The following TXNL4A variants were observed in gnomAD, a reference collection of about 807,000 sequenced individuals.
The protein encoded by TXNL4A is thioredoxin-like protein 4A.
A neutral mutation model predicts 14.6 loss-of-function variants in TXNL4A; 17 were observed. The observed-to-expected ratio is 1.16, with a 90% CI of 0.80 to 1.74. TXNL4A has a LOEUF of 1.74. Ranked by LOEUF, TXNL4A falls within the 40% of genes most tolerant of loss-of-function variation. The probability of loss-of-function intolerance (pLI) is 0.00; values close to 1 mark genes in which losing one functional copy is unlikely to be tolerated. For missense variants in TXNL4A, 74 were observed against 195.2 expected (o/e 0.38, Z 3.70); for synonymous variants, 83 against 70.6 (o/e 1.18, Z -0.88).
At chr18:80,015,252 A>C (rs1043644551) in intron 1 of TXNL4A, among the ~76,000 whole-genome samples, 4 of 147,158 alleles carry the variant, frequency 2.7e-5, no homozygotes. Context: ...ATTTCTCCTC[A>C]AAAAAAAAAA....
chr18:80,012,685 C>T (rs891615840), intron 1 of TXNL4A, among the ~76,000 whole-genome samples: 1 of 152,154 alleles, frequency 6.6e-6, no homozygotes, highest in Admixed American at 6.5e-5. Flanking sequence ...ATACATGCTG[C>T]GTAGGAAGAA....
chr18:79,987,008 T>G (rs1432327933), intron 1 of TXNL4A, among the ~76,000 whole-genome samples: 1 of 152,124 alleles, frequency 6.6e-6, no homozygotes. Context: ...CCTCAAGTCC[T>G]CAGTGTCCAG....
chr18:80,005,859 G>A (rs1942631), intron 1 of TXNL4A, among the ~76,000 whole-genome samples: 21,926 of 152,162 alleles, frequency 0.14, 1,684 homozygotes, highest in East Asian at 0.27. Context: ...GTTGCAGTTA[G>A]CTGAGATCGC....
intron 1 of TXNL4A, among the ~76,000 whole-genome samples, chr18:80,029,870 TA>T (rs145927834): frequency 0.047 from 7,132 of 152,004 alleles, 237 homozygotes; most frequent in Non-Finnish European, 0.072. Context: ...CTTATCGCCT[TA>T]AAAAAAAGCC....
intron 1 of TXNL4A, among the ~76,000 whole-genome samples, chr18:79,984,976 C>T (rs930075217): frequency 6.6e-6 from 1 of 152,118 alleles, no homozygotes. Flanking sequence ...AGAAAGACAG[C>T]TCAAAGGCAC....
intron 1 of TXNL4A, among the ~76,000 whole-genome samples, chr18:80,020,263 T>C (rs1460284306): frequency 6.6e-6 from 1 of 152,178 alleles, no homozygotes; most frequent in African/African-American, 2.4e-5. Flanking sequence ...GTTCTCCAGT[T>C]TCCTCTGGGA....
intron 1 of TXNL4A, among the ~76,000 whole-genome samples, chr18:80,018,619 A>C (rs967845626): frequency 1.3e-5 from 2 of 152,212 alleles, no homozygotes; most frequent in Non-Finnish European, 2.9e-5. Flanking sequence ...AGAGAGAAGA[A>C]TCAAAAAGAC....
rs879265778 is a variant in TXNL4A, at chr18:79,972,630, A to G, written c.*1055T>C. On this transcript the variant is annotated 3_prime_UTR_variant, in exon 3 of 3. Transcript: ENST00000269601. ...CAGGCACGCGCCACCATGCCCAGCTAATTTTTGTATTTTTAGTAGAGACGG... is the reference window on the plus strand; with the variant it reads ...CAGGCACGCGCCACCATGCCCAGCTGATTTTTGTATTTTTAGTAGAGACGG... The G allele has an allele frequency of 2.6e-5, 4 of 152,142 alleles. No individual in the cohort carries two copies. Among genetic ancestry groups the G allele is most frequent in the Non-Finnish European group, 5.9e-5 (4 of 68,046 alleles). The allele number at this position is 152,142 out of a possible 1,614,324, so 9.4% of individuals were successfully genotyped here. A position where few individuals can be genotyped will look rare whatever the true frequency, so the allele number is the denominator to read the frequency against.
intron 1 of TXNL4A, among the ~76,000 whole-genome samples, chr18:79,994,092 G>A (rs1052665191): frequency 6.6e-6 from 1 of 152,190 alleles, no homozygotes; most frequent in African/African-American, 2.4e-5. Context: ...CCCAGCAGCT[G>A]AGGAACATAA....
In TXNL4A at chr18:79,977,679, T is replaced by C; in HGVS notation, c.176A>G (p.Tyr59Cys). The C allele has an allele frequency of 6.2e-7, 1 of 1,606,514 alleles. No individual in the cohort carries two copies. The highest frequency in any genetic ancestry group is 8.5e-7 in the Non-Finnish European group (1 of 1,176,162). The change falls in exon 2 of 3, where the codon TAT (tyrosine) becomes TGT (cysteine). Residue 59 changes from tyrosine to cysteine, a missense_variant. By Grantham distance (194) the Tyr-to-Cys change is radical. This residue lies in a region of TXNL4A where 55 missense variants were observed against 116.1 expected (regional missense o/e 0.47). Coordinates refer to ENST00000269601, the MANE Select transcript of TXNL4A (RefSeq NM_006701.5). ...AGGCACTTCTGTAATATCCACAAGA[T>C]AAATAACTGCAAAATTTTTAACCTA... ...AEKVKNFAVIYLVDITEVPDF... is the reference protein window; with the variant it reads ...AEKVKNFAVICLVDITEVPDF...
In TXNL4A at chr18:79,983,994, C is replaced by CCGCT. The variant is rs2051504743; in HGVS notation, c.153+4245_153+4246insAGCG. On this transcript the variant is annotated intron_variant, in intron 1 of 2. Coordinates refer to ENST00000269601, the MANE Select transcript of TXNL4A (RefSeq NM_006701.5). ...TGGCTAGAGTCTGCACCCTCAACCGCCACTCAACACCACCCCTCATACCTT... is the reference window on the plus strand; with the variant it reads ...TGGCTAGAGTCTGCACCCTCAACCGCCGCTCACTCAACACCACCCCTCATACCTT... Among the ~76,000 whole-genome samples the CCGCT allele has an allele frequency of 2.6e-5, 4 of 152,010 alleles. 1 individual carries two copies. Among genetic ancestry groups the CCGCT allele is most frequent in the Non-Finnish European group, 4.4e-5 (3 of 67,960 alleles).
chr18:79,981,319 T>TA (rs1461157748), intron 1 of TXNL4A, among the ~76,000 whole-genome samples: 1 of 152,182 alleles, frequency 6.6e-6, no homozygotes, highest in Non-Finnish European at 1.5e-5. Context: ...TTCTTGCACG[T>TA]AAAAAATAGT....
chr18:80,015,115 T>C (rs1181630771), intron 1 of TXNL4A, among the ~76,000 whole-genome samples: 1 of 152,210 alleles, frequency 6.6e-6, no homozygotes, highest in East Asian at 1.9e-4. Context: ...CCTCCTTGGC[T>C]TCTGGGTCTG....
chr18:80,009,650 G>A (rs984827197), intron 1 of TXNL4A, among the ~76,000 whole-genome samples: 1 of 152,204 alleles, frequency 6.6e-6, no homozygotes, highest in Non-Finnish European at 1.5e-5. Flanking sequence ...AAGTTTTAGA[G>A]CAAGAATGAA....
chr18:80,007,952 C>T (rs1365789014), intron 1 of TXNL4A, among the ~76,000 whole-genome samples: 2 of 152,026 alleles, frequency 1.3e-5, no homozygotes, highest in African/African-American at 4.8e-5. Flanking sequence ...TTGCCCTCCT[C>T]ACAGCCTAGG....
At chr18:80,015,121 G>T (rs1319122735) in intron 1 of TXNL4A, among the ~76,000 whole-genome samples, 1 of 152,160 alleles carries the variant, frequency 6.6e-6, no homozygotes, top group Non-Finnish European at 1.5e-5. Context: ...TGGCTTCTGG[G>T]TCTGTGATGG....
intron 1 of TXNL4A, among the ~76,000 whole-genome samples, chr18:80,015,261 A>G (rs1339965885): frequency 1.3e-5 from 2 of 152,106 alleles, no homozygotes; most frequent in African/African-American, 4.8e-5. Context: ...CAAAAAAAAA[A>G]ATGGACTTTT....
At chr18:80,033,410 G>A (rs916211958) in intron 1 of TXNL4A, among the ~76,000 whole-genome samples, 1 of 152,168 alleles carries the variant, frequency 6.6e-6, no homozygotes, top group Non-Finnish European at 1.5e-5. Context: ...CGCCCGGGGG[G>A]AGCAGCTTCC....
chr18:79,980,235 C>A (rs1406827413), intron 1 of TXNL4A, among the ~76,000 whole-genome samples: 2 of 152,108 alleles, frequency 1.3e-5, no homozygotes, highest in Non-Finnish European at 2.9e-5. Flanking sequence ...CAGAGAGAGC[C>A]CAGCCTGGAA....
Sources: gnomAD v4.1 joint callset for allele counts (sites outside exome capture counted in the v4.1 genomes callset) on GRCh38, gnomAD v4.1.1 for gene constraint, gnomAD v4.1.1 regional missense constraint, MANE v1.5 for transcripts, NCBI Gene and HGNC (gene_info 2026-07-23, HGNC 2026-07-21) for gene names.